ZDHHC11: variants seen among roughly 807,000 people sequenced by gnomAD.
ZDHHC11 encodes palmitoyltransferase ZDHHC11.
A neutral mutation model predicts 51.3 loss-of-function variants in ZDHHC11; 44 were observed. The ratio of observed to expected loss-of-function variants is 0.86; its 90% CI spans 0.67 to 1.10. ZDHHC11 has a LOEUF of 1.10. ZDHHC11 is among the 50% of genes least tolerant of loss of function. The probability of loss-of-function intolerance (pLI) is 0.00; values close to 1 mark genes in which losing one functional copy is unlikely to be tolerated. For missense variants in ZDHHC11, 400 were observed against 537.7 expected (o/e 0.74, Z 2.53); for synonymous variants, 163 against 222.0 (o/e 0.73, Z 2.36).
intron 3 of ZDHHC11, among the ~76,000 whole-genome samples, chr5:844,832 C>T (rs1401597640): frequency 6.6e-6 from 1 of 152,308 alleles, no homozygotes; most frequent in Non-Finnish European, 1.5e-5. Flanking sequence ...AGTCTCTCGT[C>T]TTTGCTCAAA....
At chr5:844,631 G>C (rs1268018228) in intron 3 of ZDHHC11, among the ~76,000 whole-genome samples, 1 of 152,310 alleles carries the variant, frequency 6.6e-6, no homozygotes, top group Admixed American at 6.5e-5. Context: ...AGCCACGAGA[G>C]TGCCGTGGCA....
At chr5:854,588 C>G (rs912776971), upstream of ZDHHC11, among the ~76,000 whole-genome samples, 8 of 148,800 alleles carry the variant, frequency 5.4e-5, no homozygotes, top group African/African-American at 1.7e-4. Flanking sequence ...ACAGATCCCA[C>G]AGAGGACAGC....
At chr5:856,633 C>A (rs1421876255) in intron 1 of ZDHHC11, among the ~76,000 whole-genome samples, 5 of 151,608 alleles carry the variant, frequency 3.3e-5, no homozygotes, top group Admixed American at 6.6e-5. Flanking sequence ...GCAAAACACA[C>A]ACACCAAACA....
At chr5:859,864 G>A (rs181881544), upstream of ZDHHC11, among the ~76,000 whole-genome samples, 48 of 152,286 alleles carry the variant, frequency 3.2e-4, no homozygotes, top group Admixed American at 2.7e-3. Flanking sequence ...GGGTCCCCAA[G>A]GACTCCTATC....
chr5:829,060 C>T (rs1384873663), intron 7 of ZDHHC11, among the ~76,000 whole-genome samples: 11 of 133,210 alleles, frequency 8.3e-5, no homozygotes, highest in African/African-American at 3.0e-4. Flanking sequence ...AGAGCACAAA[C>T]AGACAATCTA....
At chr5:856,937 G>A (rs896808624) in intron 1 of ZDHHC11, among the ~76,000 whole-genome samples, 1 of 141,750 alleles carries the variant, frequency 7.1e-6, no homozygotes, top group Non-Finnish European at 1.5e-5. Context: ...ACACACCACC[G>A]AGCACACCCA....
At chr5:851,969 T>C (rs1350598573), upstream of ZDHHC11, among the ~76,000 whole-genome samples, 2 of 151,354 alleles carry the variant, frequency 1.3e-5, no homozygotes, top group African/African-American at 4.9e-5. Context: ...GGCATGAGAA[T>C]CGTTTGAACC....
At chr5:800,997 G>T (rs1191654322) in intron 12 of ZDHHC11, 103 bp downstream of exon 12, 1 of 1,357,102 alleles carries the variant, frequency 7.4e-7, no homozygotes, top group Non-Finnish European at 1.0e-6. Context: ...AAGCAGCCCA[G>T]CCCTTGAGTT....
rs983269346 is a variant in ZDHHC11 at position 850,731 on chromosome 5, C to T, written c.-129G>A. The T allele has an allele frequency of 3.2e-5, 38 of 1,176,272 alleles. No homozygotes were observed. The Admixed American group carries it at 8.6e-4, about 27-fold the overall frequency. The allele number at this position is 1,176,272 out of a possible 1,614,324, so 72.9% of individuals were successfully genotyped here. A position where few individuals can be genotyped will look rare whatever the true frequency, so the allele number is the denominator to read the frequency against. ...CCAGCACTGACAGCCAATGGCCCAG[C>T]ACTGCCTGGGGCCACGTTCCCCGCA... is the stretch of plus-strand genomic sequence containing the variant. On this transcript the variant is annotated 5_prime_UTR_variant, in exon 1 of 13. Transcript: ENST00000283441.
intron 3 of ZDHHC11, among the ~76,000 whole-genome samples, 174 bp from the exon 4 acceptor site, chr5:843,898 A>G (rs1745575756): frequency 1.0e-5 from 1 of 99,446 alleles, no homozygotes; most frequent in African/African-American, 5.1e-5. Context: ...GGGGGCGGGG[A>G]GGCAGGGGCA....
chr5:858,755 T>C (rs570112229), intron 1 of ZDHHC11, among the ~76,000 whole-genome samples: 3 of 152,068 alleles, frequency 2.0e-5, no homozygotes, highest in African/African-American at 7.2e-5. Flanking sequence ...AGACAAATCC[T>C]CACAGCCTGA....
intron 4 of ZDHHC11, chr5:841,878 C>T (rs2004714): frequency 6.1e-6 from 6 of 988,260 alleles, no homozygotes; most frequent in East Asian, 1.1e-4. Context: ...GGATGTCTTT[C>T]GGTGACAGAC....
At chr5:798,112 C>T (rs1162513110) in intron 12 of ZDHHC11, among the ~76,000 whole-genome samples, 2 of 148,424 alleles carry the variant, frequency 1.3e-5, no homozygotes, top group Admixed American at 6.8e-5. Context: ...CTCTAGTTTG[C>T]CACTGCAATG....
upstream of ZDHHC11, among the ~76,000 whole-genome samples, chr5:855,751 G>A (rs1748136392): frequency 1.4e-5 from 2 of 148,072 alleles, no homozygotes; most frequent in South Asian, 4.4e-4. Context: ...AGACCCCACA[G>A]AGGACAGCGA....
chr5:805,059 AC>A (rs1381386402), intron 11 of ZDHHC11, among the ~76,000 whole-genome samples: 1 of 151,404 alleles, frequency 6.6e-6, no homozygotes, highest in Admixed American at 6.6e-5. Context: ...TAATGGGTGC[AC>A]ACTGTATAAA....
At chr5:821,946 T>G in intron 8 of ZDHHC11, 51 bp from the exon 9 acceptor site, 1 of 1,532,112 alleles carries the variant, frequency 6.5e-7, no homozygotes, top group Non-Finnish European at 8.9e-7. Context: ...TTGAACTTAT[T>G]CTTAAAAAAA....
upstream of ZDHHC11, among the ~76,000 whole-genome samples, chr5:855,828 C>T (rs562723592): frequency 1.2e-4 from 17 of 141,484 alleles, no homozygotes; most frequent in Admixed American, 7.1e-5. Context: ...GACAGTGAGC[C>T]GGGGGGCACA....
intron 11 of ZDHHC11, among the ~76,000 whole-genome samples, chr5:811,478 G>A (rs1335888809): frequency 1.4e-5 from 2 of 147,470 alleles, no homozygotes; most frequent in Non-Finnish European, 3.0e-5. Flanking sequence ...GAAGCTGCCT[G>A]CCTCTTGAGC....
chr5:799,995 C>T (rs1426103110), intron 12 of ZDHHC11, among the ~76,000 whole-genome samples: 1 of 151,320 alleles, frequency 6.6e-6, no homozygotes, highest in Non-Finnish European at 1.5e-5. Flanking sequence ...ACAATTTTCA[C>T]AGGTTTGCTG....
Sources: gnomAD v4.1 joint callset for allele counts (sites outside exome capture counted in the v4.1 genomes callset) on GRCh38, gnomAD v4.1.1 for gene constraint, MANE v1.5 for transcripts, NCBI Gene and HGNC (gene_info 2026-07-23, HGNC 2026-07-21) for gene names.